The following C1orf198 variants were observed in gnomAD, a reference collection of about 807,000 sequenced individuals.
C1orf198 encodes chromosome 1 open reading frame 198.
Under a neutral mutation model 31.4 loss-of-function variants are expected in C1orf198, and 17 were observed. The observed-to-expected ratio is 0.54, with a 90% CI of 0.37 to 0.81. C1orf198 has a LOEUF of 0.81. Among genes scored for constraint, C1orf198 ranks in the 40% least tolerant of loss-of-function variants. The pLI is 0.00. For missense variants in C1orf198, 401 were observed against 450.3 expected, an observed-to-expected ratio of 0.89 and a Z score of 0.99; for synonymous variants, 175 against 193.8, an observed-to-expected ratio of 0.90 and a Z score of 0.81.
Position 230,843,913 on chromosome 1 carries a change from G to T in C1orf198, c.385-17C>A. ...CATCTGACTCTAGGGTGGGACATGAGAAAGGACAGAAAAAAGAAAGAGATC... is the reference window on the plus strand; with the variant it reads ...CATCTGACTCTAGGGTGGGACATGATAAAGGACAGAAAAAAGAAAGAGATC... On this transcript the variant is annotated splice_polypyrimidine_tract_variant and intron_variant, in intron 2 of 3. Transcript: ENST00000366663. The surrounding 1 kb of genome is among the most constrained non-coding windows in gnomAD (Gnocchi z 4.9). 1 of 1,497,140 alleles carries T rather than the reference G, an allele frequency of 6.7e-7. No homozygotes were observed. The highest frequency in any genetic ancestry group is 8.9e-7 in the Non-Finnish European group (1 of 1,129,112). 92.7% of individuals were successfully genotyped at this position (1,497,140 alleles called of 1,614,324 possible).
chr1:230,860,142 T>C (rs1242744979), intron 1 of C1orf198, among the ~76,000 whole-genome samples: 2 of 152,158 alleles, frequency 1.3e-5, no homozygotes, highest in Non-Finnish European at 2.9e-5. Context: ...ATTAAGTCCA[T>C]TGTATTAAAA....
Position 230,838,482 on chromosome 1 carries a change from A to G in C1orf198, c.*1370T>C, listed in dbSNP as rs968399398. The G allele has an allele frequency of 6.6e-6, 1 of 152,438 alleles. No homozygotes were observed. Among genetic ancestry groups the G allele is most frequent in the Non-Finnish European group, 1.5e-5 (1 of 68,012 alleles). The allele number at this position is 152,438 out of a possible 1,614,324, so 9.4% of individuals were successfully genotyped here. A position where few individuals can be genotyped will look rare whatever the true frequency, so the allele number is the denominator to read the frequency against. On this transcript the variant is annotated 3_prime_UTR_variant, in exon 4 of 4. Coordinates refer to ENST00000366663, the MANE Select transcript of C1orf198 (RefSeq NM_032800.3). This position sits in a 1 kb window ranked among gnomAD's most constrained non-coding sequence, Gnocchi z 4.2. ...TGGAGCCAGATAAAATATTCTGGAA[A>G]TCATTTCAGAAGGTCCTATGAAACA...
rs1047182679 is a variant in C1orf198, at chr1:230,855,878, C to T, written c.334-160G>A. 3.5e-5 allele frequency: 50 copies of T among 1,412,174 alleles called. No homozygotes were observed. The highest frequency in any genetic ancestry group is 1.5e-4 in the South Asian group (8 of 53,256). 87.5% of individuals were successfully genotyped at this position (1,412,174 alleles called of 1,614,324 possible). On this transcript the variant is annotated intron_variant, in intron 1 of 3. Transcript: ENST00000366663. ...GACACTCTCAATATAATGCGCTGAC[C>T]GTCTTGATCAGATTGCTCCCTCATC...
intron 1 of C1orf198, among the ~76,000 whole-genome samples, chr1:230,861,609 C>T (rs773749019): frequency 1.3e-5 from 2 of 152,188 alleles, no homozygotes; most frequent in Admixed American, 6.5e-5. Flanking sequence ...TGCTAGAAGT[C>T]AGGGCTAGTT....
At chr1:230,865,063 T>TA (rs1387230264) in intron 1 of C1orf198, among the ~76,000 whole-genome samples, 12 of 152,216 alleles carry the variant, frequency 7.9e-5, no homozygotes, top group Admixed American at 7.9e-4. Context: ...TTAATGTTCT[T>TA]ACCAAAATAC....
chr1:230,868,547 G>A, upstream of C1orf198: 2 of 1,129,814 alleles, frequency 1.8e-6, no homozygotes. Context: ...CCCGCGCCCC[G>A]CCCCTCGCTG....
intron 2 of C1orf198, among the ~76,000 whole-genome samples, chr1:230,854,165 T>C (rs1005413965): frequency 3.9e-5 from 6 of 152,228 alleles, no homozygotes; most frequent in Non-Finnish European, 7.3e-5. Context: ...ATCACTATGA[T>C]ATCTTCAAAT....
chr1:230,837,511 A>G lies in C1orf198; in HGVS notation c.*2341T>C, dbSNP rs1285228300. 6.6e-6 allele frequency: 1 copy of G among 152,266 alleles called. No homozygotes were observed. The highest frequency in any genetic ancestry group is 1.5e-5 in the Non-Finnish European group (1 of 68,054). The allele number at this position is 152,266 out of a possible 1,614,324, so 9.4% of individuals were successfully genotyped here. Reference sequence around the variant, plus strand: ...CCTGAAAAGTGTGTATTTTCTAAAAAATAAATATAAACTCCTGGTTTGAGA... The same window carrying G: ...CCTGAAAAGTGTGTATTTTCTAAAAGATAAATATAAACTCCTGGTTTGAGA... On this transcript the variant is annotated 3_prime_UTR_variant, in exon 4 of 4. Coordinates refer to ENST00000366663, the MANE Select transcript of C1orf198 (RefSeq NM_032800.3).
At chr1:230,853,754 G>A (rs1451698156) in intron 2 of C1orf198, among the ~76,000 whole-genome samples, 1 of 152,188 alleles carries the variant, frequency 6.6e-6, no homozygotes, top group Non-Finnish European at 1.5e-5. Flanking sequence ...TTTCTGATGG[G>A]TGACACATAT....
chr1:230,859,542 A>C (rs1572138012), intron 1 of C1orf198, among the ~76,000 whole-genome samples: 1 of 152,138 alleles, frequency 6.6e-6, no homozygotes, highest in African/African-American at 2.4e-5. Flanking sequence ...ACTTCTTTGG[A>C]GTGCAGAACA....
intron 2 of C1orf198, among the ~76,000 whole-genome samples, chr1:230,852,690 G>A (rs1367628175): frequency 2.0e-5 from 3 of 152,168 alleles, no homozygotes; most frequent in Non-Finnish European, 4.4e-5. Flanking sequence ...TATGTTGTGT[G>A]TATTTTGCCA....
chr1:230,853,144 C>G (rs940971933), intron 2 of C1orf198, among the ~76,000 whole-genome samples: 2 of 152,122 alleles, frequency 1.3e-5, no homozygotes, highest in African/African-American at 4.8e-5. Flanking sequence ...GCAAGGCCAA[C>G]GGAAGAACAG....
At chr1:230,848,511 T>A (rs1669650737) in intron 2 of C1orf198, among the ~76,000 whole-genome samples, 1 of 152,136 alleles carries the variant, frequency 6.6e-6, no homozygotes, top group Non-Finnish European at 1.5e-5. Flanking sequence ...CAGTTAAGTG[T>A]GTTGTGTATT....
At chr1:230,842,508 A>G (rs141719042) in intron 3 of C1orf198, among the ~76,000 whole-genome samples, 2,702 of 152,282 alleles carry the variant, frequency 0.018, 90 homozygotes, top group African/African-American at 0.062. Flanking sequence ...ATCAAACATC[A>G]TATGTTCTCA....
intron 1 of C1orf198, among the ~76,000 whole-genome samples, chr1:230,866,846 C>G (rs1670131965): frequency 6.6e-6 from 1 of 152,172 alleles, no homozygotes; most frequent in African/African-American, 2.4e-5. Flanking sequence ...ATTTTCCCCT[C>G]CCCAGTTTAC....
chr1:230,838,692 C>T lies in C1orf198; in HGVS notation c.*1160G>A, dbSNP rs999551553. Reference sequence around the variant, plus strand: ...CTGCAGGCTCACACGGCTCAGGGGCCACTGGGCAGGACAGCCTCTGAGTGC... The same window carrying T: ...CTGCAGGCTCACACGGCTCAGGGGCTACTGGGCAGGACAGCCTCTGAGTGC... On this transcript the variant is annotated 3_prime_UTR_variant, in exon 4 of 4. Transcript: ENST00000366663. This position sits in a 1 kb window ranked among gnomAD's most constrained non-coding sequence, Gnocchi z 4.2. The T allele has an allele frequency of 1.2e-4, 19 of 152,796 alleles. No individual in the cohort carries two copies. Among genetic ancestry groups the T allele is most frequent in the Non-Finnish European group, 2.9e-5 (2 of 68,170 alleles). The allele number at this position is 152,796 out of a possible 1,614,324, so 9.5% of individuals were successfully genotyped here. A position where few individuals can be genotyped will look rare whatever the true frequency, so the allele number is the denominator to read the frequency against.
chr1:230,862,468 T>C (rs1043119541), intron 1 of C1orf198, among the ~76,000 whole-genome samples: 1 of 152,176 alleles, frequency 6.6e-6, no homozygotes, highest in African/African-American at 2.4e-5. Context: ...GCAACCAAGA[T>C]GTGTTTCAGT....
intron 2 of C1orf198, among the ~76,000 whole-genome samples, chr1:230,849,096 T>C (rs1472267293): frequency 6.6e-6 from 1 of 152,136 alleles, no homozygotes; most frequent in Non-Finnish European, 1.5e-5. Context: ...TCAAAGTAAG[T>C]TTTACTGCTT....
intron 2 of C1orf198, 139 bp from the exon 3 acceptor site, chr1:230,844,035 ACTGT>A: frequency 1.1e-6 from 1 of 898,820 alleles, no homozygotes; most frequent in South Asian, 1.9e-5. Context: ...ATGTGCTGGA[ACTGT>A]CTGTCCTGAG....
Sources: gnomAD v4.1 joint callset for allele counts (sites outside exome capture counted in the v4.1 genomes callset) on GRCh38, gnomAD v4.1.1 for gene constraint, Gnocchi (gnomAD v3.1) non-coding constraint, MANE v1.5 for transcripts, NCBI Gene and HGNC (gene_info 2026-07-23, HGNC 2026-07-21) for gene names.